CDH23: variants seen among roughly 807,000 people sequenced by gnomAD.
CDH23 encodes cadherin-23.
A neutral mutation model predicts 317.1 loss-of-function variants in CDH23; 189 were observed. The observed-to-expected ratio is 0.60, with a 90% CI of 0.53 to 0.67. The LOEUF (loss-of-function observed/expected upper bound fraction) is 0.67, where lower values mean the gene tolerates loss of function less well. CDH23 is among the 30% of genes least tolerant of loss of function. CDH23 has a pLI of 0.00. For missense variants in CDH23, 4,401 were observed against 4,592.4 expected (o/e 0.96, Z 1.20); for synonymous variants, 1,839 against 1,876.8 (o/e 0.98, Z 0.52).
Position 71,738,482 on chromosome 10 carries a change from C to A in CDH23, c.4210-16C>A, listed in dbSNP as rs775928557. ...GGGGAAGGAGGCTGTAGGTCTCTGA[C>A]CACGTTCACCCTCAGGTCTACATCA... On this transcript the variant is annotated splice_polypyrimidine_tract_variant and intron_variant, in intron 34 of 69. Coordinates refer to ENST00000224721, the MANE Select transcript of CDH23 (RefSeq NM_022124.6). 7 of 1,613,908 alleles carry A rather than the reference C, an allele frequency of 4.3e-6. No individual in the cohort carries two copies. The East Asian group carries it at 1.3e-4, about 31-fold the overall frequency.
chr10:71,745,562 G>A (rs1839836557), intron 38 of CDH23, among the ~76,000 whole-genome samples: 1 of 152,194 alleles, frequency 6.6e-6, no homozygotes, highest in African/African-American at 2.4e-5. Context: ...ATGGGGCAGA[G>A]CTAGCAAGCA....
At position 71,595,833 on chromosome 10, in the gene CDH23, C is replaced by T. The variant is rs2132459861; in HGVS notation, c.832+17841C>T. 2.0e-5 allele frequency among the ~76,000 whole-genome samples: 3 copies of T among 152,330 alleles called. 1 individual carries two copies. The South Asian group carries it at 6.2e-4, about 32-fold the overall frequency. On this transcript the variant is annotated intron_variant, in intron 9 of 69. Coordinates refer to ENST00000224721, the MANE Select transcript of CDH23 (RefSeq NM_022124.6). ...ACTGCCAGCAATTGGCACCAAACCA[C>T]CCACACCCATATCCAAGGCCTTTCT... is the stretch of plus-strand genomic sequence containing the variant.
At chr10:71,810,600 C>T in intron 62 of CDH23, 31 bp downstream of exon 62, 1 of 1,600,710 alleles carries the variant, frequency 6.2e-7, no homozygotes, top group African/African-American at 1.3e-5. Context: ...GGACTGTCAG[C>T]CTGTCTGTCT....
intron 11 of CDH23, among the ~76,000 whole-genome samples, chr10:71,619,306 C>T (rs989270242): frequency 6.6e-6 from 1 of 151,558 alleles, no homozygotes; most frequent in East Asian, 1.9e-4. Flanking sequence ...CTGCACTCCA[C>T]CCTAGGTGAC....
chr10:71,435,950 C>T (rs1347985330), intron 1 of CDH23, among the ~76,000 whole-genome samples: 3 of 152,212 alleles, frequency 2.0e-5, no homozygotes, highest in Non-Finnish European at 2.9e-5. Flanking sequence ...TCAGCCTCTG[C>T]TCTCTCTGGG....
chr10:71,806,897 A>G (rs1841745804), intron 57 of CDH23, among the ~76,000 whole-genome samples: 1 of 152,326 alleles, frequency 6.6e-6, no homozygotes, highest in African/African-American at 2.4e-5. Context: ...ATGAAATCTG[A>G]CAGCAAGGCT....
At chr10:71,639,982 G>T (rs1257654272) in intron 11 of CDH23, among the ~76,000 whole-genome samples, 1 of 152,152 alleles carries the variant, frequency 6.6e-6, no homozygotes, top group Non-Finnish European at 1.5e-5. Context: ...AGGGTCTTAG[G>T]ACATGTGTCC....
intron 36 of CDH23, 45 bp from the exon 37 acceptor site, chr10:71,740,777 C>T: frequency 6.2e-7 from 1 of 1,611,658 alleles, no homozygotes; most frequent in Non-Finnish European, 8.5e-7. Context: ...CCCAATCCTG[C>T]CCGCCACGCT....
intron 1 of CDH23, among the ~76,000 whole-genome samples, chr10:71,402,852 C>T (rs1221477715): frequency 1.3e-5 from 2 of 152,114 alleles, no homozygotes; most frequent in African/African-American, 4.8e-5. Flanking sequence ...CGTGGTGGCT[C>T]ACGCCTGTAA....
chr10:71,426,989 A>AAAAATT (rs1470742220), intron 1 of CDH23, among the ~76,000 whole-genome samples: 1 of 151,886 alleles, frequency 6.6e-6, no homozygotes, highest in Non-Finnish European at 1.5e-5. Context: ...CTACAAAAAT[A>AAAAATT]AAAATTAAAA....
rs760170584 is a variant in CDH23 at position 71,725,432 on chromosome 10, G to A, written c.3491G>A (p.Arg1164Gln). ...AATGGGCTCCTGATGCGAGGGCCCCGGCCCCTGGACCGGGAGCGGAACTCA... is the reference window on the plus strand; with the variant it reads ...AATGGGCTCCTGATGCGAGGGCCCCAGCCCCTGGACCGGGAGCGGAACTCA... ...VSNGLLMRGP[R>Q]PLDRERNSSH... Residue 1164 changes from arginine to glutamine, a missense_variant, in exon 30 of 70, where the codon CGG (arginine) becomes CAG (glutamine). Transcript: ENST00000224721. 3.3e-5 allele frequency: 54 copies of A among 1,613,896 alleles called. No homozygotes were observed. Among genetic ancestry groups the A allele is most frequent in the East Asian group, 2.5e-4 (11 of 44,894 alleles).
chr10:71,789,000 A>G lies in CDH23; in HGVS notation c.5881A>G (p.Lys1961Glu). 2 of 1,602,610 alleles carry G rather than the reference A, an allele frequency of 1.2e-6. No homozygotes were observed. The highest frequency in any genetic ancestry group is 4.5e-5 in the East Asian group (2 of 44,816). Residue 1961 changes from lysine to glutamate, a missense_variant, in exon 45 of 70, where the codon AAA (lysine) becomes GAA (glutamate). By Grantham distance (56) the Lys-to-Glu change is moderately conservative. Coordinates refer to ENST00000224721, the MANE Select transcript of CDH23 (RefSeq NM_022124.6). ...DENDNHPLFT[K>E]STYQAEVMEN... ...GAATGACAACCACCCCCTCTTCACTAAAAGCACCTACCAGGCAGAGGTGAT... is the reference window on the plus strand; with the variant it reads ...GAATGACAACCACCCCCTCTTCACTGAAAGCACCTACCAGGCAGAGGTGAT...
At chr10:71,498,006 T>A (rs568824332) in intron 3 of CDH23, among the ~76,000 whole-genome samples, 2 of 152,312 alleles carry the variant, frequency 1.3e-5, no homozygotes, top group South Asian at 4.1e-4. Context: ...CACAAAACCA[T>A]GACCCGGAGG....
rs1839718440 is a variant in CDH23, at chr10:71,740,970, C to A, written c.4617+20C>A. 1.2e-6 allele frequency: 2 copies of A among 1,613,618 alleles called. No individual in the cohort carries two copies. The highest frequency in any genetic ancestry group is 1.7e-5 in the Admixed American group (1 of 60,000). On this transcript the variant is annotated intron_variant, in intron 37 of 69. Coordinates refer to ENST00000224721, the MANE Select transcript of CDH23 (RefSeq NM_022124.6). ...AATGAGGTGAGGGCAGCCCCGGGGCCCATATAGCTGGACATACGGGGGGAC... is the reference window on the plus strand; with the variant it reads ...AATGAGGTGAGGGCAGCCCCGGGGCACATATAGCTGGACATACGGGGGGAC...
At chr10:71,445,129 C>T (rs1050871517) in intron 2 of CDH23, among the ~76,000 whole-genome samples, 6 of 152,198 alleles carry the variant, frequency 3.9e-5, no homozygotes, top group South Asian at 2.1e-4. Context: ...GTTAACAGCA[C>T]GAGCTTTGGG....
At chr10:71,701,328 G>T (rs755456410) in intron 22 of CDH23, among the ~76,000 whole-genome samples, 1 of 152,192 alleles carries the variant, frequency 6.6e-6, no homozygotes, top group Non-Finnish European at 1.5e-5. Flanking sequence ...GCCCTCAAAG[G>T]CTGCAGGGGG....
chr10:71,797,068 C>A, intron 48 of CDH23, 36 bp from the exon 49 acceptor site: 1 of 1,437,746 alleles, frequency 7.0e-7, no homozygotes, highest in Non-Finnish European at 9.7e-7. Context: ...TTAGGGGGTT[C>A]TTCTCAGGCT....
intron 1 of CDH23, among the ~76,000 whole-genome samples, chr10:71,414,047 T>TTTTGTGTGTG (rs1554822117): frequency 2.1e-5 from 3 of 142,902 alleles, no homozygotes; most frequent in African/African-American, 7.9e-5. Flanking sequence ...CTCCTGGGTT[T>TTTTGTGTGTG]TGTGTGTGTG....
At chr10:71,670,344 T>G (rs935277) in intron 14 of CDH23, among the ~76,000 whole-genome samples, 1 of 152,068 alleles carries the variant, frequency 6.6e-6, no homozygotes, top group Non-Finnish European at 1.5e-5. Context: ...TGGGCAGAGA[T>G]GTTGAGCCCT....
Sources: gnomAD v4.1 joint callset for allele counts (sites outside exome capture counted in the v4.1 genomes callset) on GRCh38, gnomAD v4.1.1 for gene constraint, MANE v1.5 for transcripts, NCBI Gene and HGNC (gene_info 2026-07-23, HGNC 2026-07-21) for gene names.